CCNDBP1: variants seen among roughly 807,000 people sequenced by gnomAD.
CCNDBP1 encodes the protein cyclin D1 binding protein 1, also known as cyclin-D1-binding protein 1.
In CCNDBP1, 45 loss-of-function variants were observed where a neutral mutation model predicts 46.2. That is an observed-to-expected ratio of 0.97 (90% CI 0.77 to 1.25). The LOEUF (loss-of-function observed/expected upper bound fraction) is 1.25. Among genes scored for constraint, CCNDBP1 ranks in the 50% most tolerant of loss-of-function variants. The pLI, the probability that CCNDBP1 is intolerant of heterozygous loss-of-function variation, is 0.00. For missense variants in CCNDBP1, 436 were observed against 442.1 expected (o/e 0.99, Z 0.12); for synonymous variants, 154 against 163.6 (o/e 0.94, Z 0.45).
intron 3 of CCNDBP1, among the ~76,000 whole-genome samples, chr15:43,186,576 T>A (rs1420229977): frequency 6.6e-6 from 1 of 152,010 alleles, no homozygotes; most frequent in Non-Finnish European, 1.5e-5. Flanking sequence ...GCTTAAGATT[T>A]AAAAAAAAGC....
chr15:43,194,046 CTTTTTTTTTTTTTTT>C (rs748207621), intron 9 of CCNDBP1: 691 of 50,302 alleles, frequency 0.014, 11 homozygotes, highest in South Asian at 0.028. Context: ...TCTTAATGCG[CTTTTTTTTTTTTTTT>C]TTTTTTTTTT....
rs868512924 is a variant in CCNDBP1, at chr15:43,193,034, C to T, written c.921+231C>T. 111 of 539,082 alleles carry T rather than the reference C, an allele frequency of 2.1e-4. 1 individual carries two copies. In the Middle Eastern group the frequency reaches 2.5e-3, roughly 12 times the overall value. The allele number at this position is 539,082 out of a possible 1,614,324, so 33.4% of individuals were successfully genotyped here. Reference sequence around the variant, plus strand: ...TCTCTTCCATAATCACCTGGGTAATCATTCAGAAAAGCCCAAAGGCCTTAG... The same window carrying T: ...TCTCTTCCATAATCACCTGGGTAATTATTCAGAAAAGCCCAAAGGCCTTAG... On this transcript the variant is annotated intron_variant, in intron 9 of 10. Coordinates refer to ENST00000300213, the MANE Select transcript of CCNDBP1 (RefSeq NM_012142.5).
At position 43,190,272 on chromosome 15, in the gene CCNDBP1, T is replaced by A. The variant is rs190520180; in HGVS notation, c.429-53T>A. 101 of 1,601,830 alleles carry A rather than the reference T, an allele frequency of 6.3e-5. No individual in the cohort carries two copies. In the Admixed American group the frequency reaches 1.7e-3, roughly 26 times the overall value. ...TAATGACCAGCAGGAAGAAGCTTTT[T>A]AGGAGACAGGAACCTAGGTTATTAA... On this transcript the variant is annotated intron_variant, in intron 5 of 10. Transcript: ENST00000300213.
At chr15:43,192,539 C>T (rs995346382) in intron 8 of CCNDBP1, among the ~76,000 whole-genome samples, 28 of 152,158 alleles carry the variant, frequency 1.8e-4, no homozygotes, top group African/African-American at 6.8e-4. Context: ...GGGAATTTCC[C>T]CCCCAGCTTC....
chr15:43,196,010 TAAAC>T lies in CCNDBP1; in HGVS notation c.*1173_*1176del, dbSNP rs1266154881. On this transcript the variant is annotated 3_prime_UTR_variant, in exon 11 of 11. Transcript: ENST00000300213. The stretch of plus-strand genomic sequence containing the variant: ...AGAGTGTCAAGGCAACAAAATAACA[TAAAC>T]AAAATAATAACATTGTACAACAGTC... 2.6e-5 allele frequency: 4 copies of T among 151,734 alleles called. No homozygotes were observed. Among genetic ancestry groups the T allele is most frequent in the African/African-American group, 9.7e-5 (4 of 41,054 alleles). The allele number at this position is 151,734 out of a possible 1,614,324, so 9.4% of individuals were successfully genotyped here.
At chr15:43,193,332 CAAAAAAAAAAAAAAAAAAA>C (rs60206861) in intron 9 of CCNDBP1, 2 of 39,130 alleles carry the variant, frequency 5.1e-5, no homozygotes, top group African/African-American at 1.2e-4. Flanking sequence ...GACTCTGTCT[CAAAAAAAAAAAAAAAAAAA>C]AAAAAAAAAA....
At position 43,185,471 on chromosome 15, in the gene CCNDBP1, T is replaced by G; in HGVS notation, c.-28T>G. ...CTCCGGCAGTGGCAGCGGAGGCCTGTGTTTGCGGCCTTCGGCAAGCGACTG... is the reference window on the plus strand; with the variant it reads ...CTCCGGCAGTGGCAGCGGAGGCCTGGGTTTGCGGCCTTCGGCAAGCGACTG... On this transcript the variant is annotated 5_prime_UTR_variant, in exon 1 of 11. Transcript: ENST00000300213. The G allele has an allele frequency of 6.5e-7, 1 of 1,535,488 alleles. No individual in the cohort carries two copies.
At chr15:43,193,092 C>G (rs942391632) in intron 9 of CCNDBP1, 2 of 381,802 alleles carry the variant, frequency 5.2e-6, no homozygotes, top group Non-Finnish European at 9.7e-6. Flanking sequence ...CGCGGTAGCT[C>G]ACACCTGTAA....
chr15:43,190,242 G>A lies in CCNDBP1; in HGVS notation c.429-83G>A, dbSNP rs960677571. ...TTTAACAGCAAAGTTACTGACAGCT[G>A]AGAGTAATGACCAGCAGGAAGAAGC... On this transcript the variant is annotated intron_variant, in intron 5 of 10. Transcript: ENST00000300213. 5 of 1,584,132 alleles carry A rather than the reference G, an allele frequency of 3.2e-6. No homozygotes were observed. In the African/African-American group the frequency reaches 5.4e-5, roughly 17 times the overall value.
chr15:43,194,943 A>G lies in CCNDBP1; in HGVS notation c.*102A>G, dbSNP rs1362446983. On this transcript the variant is annotated 3_prime_UTR_variant, in exon 11 of 11. Coordinates refer to ENST00000300213, the MANE Select transcript of CCNDBP1 (RefSeq NM_012142.5). ...TAGAATGCTTGCTGGATTGAAAGGG[A>G]GTGCCTATCTATATTTAGCAAGAGA... 2.8e-6 allele frequency: 2 copies of G among 716,362 alleles called. No homozygotes were observed. Among genetic ancestry groups the G allele is most frequent in the Non-Finnish European group, 4.8e-6 (2 of 417,068 alleles). The allele number at this position is 716,362 out of a possible 1,614,324, so 44.4% of individuals were successfully genotyped here.
intron 10 of CCNDBP1, 112 bp downstream of exon 10, chr15:43,194,573 A>AT (rs1416247773): frequency 1.9e-6 from 2 of 1,034,886 alleles, no homozygotes; most frequent in Non-Finnish European, 2.9e-6. Context: ...TGGGTGTGGG[A>AT]TTTTCTTTCA....
chr15:43,190,152 G>A lies in CCNDBP1; in HGVS notation c.428+1G>A, dbSNP rs1322435818. The stretch of plus-strand genomic sequence containing the variant: ...TACTTTCCGTCACTCCAACTCAGAG[G>A]TAGTGATGCCACAGTTTAGGTTACC... On this transcript the variant is annotated splice_donor_variant, in intron 5 of 10. Transcript: ENST00000300213. LOFTEE classifies it high-confidence loss of function. The A allele has an allele frequency of 3.7e-6, 6 of 1,613,688 alleles. No individual in the cohort carries two copies. The highest frequency in any genetic ancestry group is 2.2e-5 in the East Asian group (1 of 44,896).
rs1265407437 is a variant in CCNDBP1 at position 43,196,220 on chromosome 15, C to T, written c.*1379C>T. On this transcript the variant is annotated 3_prime_UTR_variant, in exon 11 of 11. Coordinates refer to ENST00000300213, the MANE Select transcript of CCNDBP1 (RefSeq NM_012142.5). ...TCTCAGGTCCTGTATTGTATAACTT[C>T]GTTCAGTCATGTTTGGATCTTTAAG... 5 of 150,604 alleles carry T rather than the reference C, an allele frequency of 3.3e-5. No individual in the cohort carries two copies. Among genetic ancestry groups the T allele is most frequent in the Admixed American group, 2.0e-4 (3 of 15,094 alleles). 9.3% of individuals were successfully genotyped at this position (150,604 alleles called of 1,614,324 possible).
At chr15:43,187,352 C>T (rs1413251833) in intron 3 of CCNDBP1, among the ~76,000 whole-genome samples, 2 of 151,878 alleles carry the variant, frequency 1.3e-5, no homozygotes, top group Non-Finnish European at 2.9e-5. Flanking sequence ...TCACTGCATC[C>T]TCTGCCTACC....
chr15:43,186,116 A>T lies in CCNDBP1; in HGVS notation c.170-38A>T, dbSNP rs751177013. ...AGTCTTCCAAGTCCGTGCAGCACTAACGTATTGGCACCTGCCTCCTCTTCG... is the reference window on the plus strand; with the variant it reads ...AGTCTTCCAAGTCCGTGCAGCACTATCGTATTGGCACCTGCCTCCTCTTCG... On this transcript the variant is annotated intron_variant, in intron 2 of 10. Transcript: ENST00000300213. 2.5e-6 allele frequency: 4 copies of T among 1,574,758 alleles called. No individual in the cohort carries two copies. In the African/African-American group the frequency reaches 5.4e-5, roughly 21 times the overall value.
At position 43,197,144 on chromosome 15, in the gene CCNDBP1, C is replaced by T. The variant is rs1253905310; in HGVS notation, c.*2303C>T. On this transcript the variant is annotated 3_prime_UTR_variant, in exon 11 of 11. Transcript: ENST00000300213. The stretch of plus-strand genomic sequence containing the variant: ...CTGTTTCTTGTACAGCCTGCAGAGC[C>T]GTGAGCCAAATAAAGCTCTTTTCTT... 11 of 1,000,572 alleles carry T rather than the reference C, an allele frequency of 1.1e-5. No homozygotes were observed. The highest frequency in any genetic ancestry group is 4.8e-5 in the African/African-American group (3 of 61,856). 62.0% of individuals were successfully genotyped at this position (1,000,572 alleles called of 1,614,324 possible).
At chr15:43,188,752 A>ACTT in intron 3 of CCNDBP1, 1 of 157,020 alleles carries the variant, frequency 6.4e-6, no homozygotes, top group Middle Eastern at 3.4e-3. Flanking sequence ...TCATACCAGG[A>ACTT]CTTCAGAAAA....
In CCNDBP1 at chr15:43,185,605, G is replaced by C; in HGVS notation, c.107G>C (p.Arg36Pro). ...EELRLLLPRV[R>P]VGEAQETTEE... Reference sequence around the variant, plus strand: ...CTGCGGTTGCTCCTGCCTCGAGTGCGGGGTGAGCTGACGGAGTTAGAACGG... The same window carrying C: ...CTGCGGTTGCTCCTGCCTCGAGTGCCGGGTGAGCTGACGGAGTTAGAACGG... The change falls in exon 1 of 11, where the codon CGG becomes CCG. Residue 36 changes from arginine (R) to proline (P), a missense_variant and splice_region_variant. Physicochemically the swap from Arg to Pro is moderately radical, Grantham distance 103. Coordinates refer to ENST00000300213, the MANE Select transcript of CCNDBP1 (RefSeq NM_012142.5). The C allele has an allele frequency of 6.4e-7, 1 of 1,556,592 alleles. No individual in the cohort carries two copies. The highest frequency in any genetic ancestry group is 8.7e-7 in the Non-Finnish European group (1 of 1,152,900).
chr15:43,194,235 G>A (rs992617551), intron 9 of CCNDBP1, 180 bp from the exon 10 acceptor site: 3 of 512,060 alleles, frequency 5.9e-6, no homozygotes, highest in Non-Finnish European at 6.8e-6. Context: ...ATAAGATCTT[G>A]CTAAATAGAA....
Sources: gnomAD v4.1 joint callset for allele counts (sites outside exome capture counted in the v4.1 genomes callset) on GRCh38, gnomAD v4.1.1 for gene constraint, MANE v1.5 for transcripts, NCBI Gene and HGNC (gene_info 2026-07-23, HGNC 2026-07-21) for gene names.